The following ACOXL variants were observed in gnomAD, a reference collection of about 807,000 sequenced individuals.
ACOXL encodes acyl-coenzyme A oxidase-like protein.
ACOXL carries 70 observed loss-of-function variants against 71.9 expected under a neutral mutation model. The observed-to-expected ratio is 0.97, with a 90% confidence interval of 0.80 to 1.19. ACOXL has a LOEUF of 1.19. Ranked by LOEUF, ACOXL falls within the 50% of genes most tolerant of loss-of-function variation. ACOXL has a pLI of 0.00. For missense variants in ACOXL, 703 were observed against 736.3 expected, an observed-to-expected ratio of 0.95 and a Z score of 0.52; for synonymous variants, 253 against 281.6, an observed-to-expected ratio of 0.90 and a Z score of 1.02.
intron 16 of ACOXL, among the ~76,000 whole-genome samples, chr2:111,058,919 C>G (rs2066671307): frequency 6.6e-6 from 1 of 152,168 alleles, no homozygotes; most frequent in African/African-American, 2.4e-5. Context: ...GAAAATCTTT[C>G]CACCTTTATC....
In ACOXL at chr2:110,793,120, A is replaced by G. The variant is rs140156829; in HGVS notation, c.160-530A>G. Reference sequence around the variant, plus strand: ...ATGAGGAAGCTGAGGCTACAATGTCATTTGTCCAAGATCCTGCAGCCGGTG... The same window carrying G: ...ATGAGGAAGCTGAGGCTACAATGTCGTTTGTCCAAGATCCTGCAGCCGGTG... On this transcript the variant is annotated intron_variant, in intron 3 of 17. Coordinates refer to ENST00000439055, the MANE Select transcript of ACOXL (RefSeq NM_001142807.4). Among the ~76,000 whole-genome samples the G allele has an allele frequency of 2.3e-3, 356 of 152,252 alleles. 2 individuals are homozygous for G. The highest frequency in any genetic ancestry group is 8.3e-3 in the African/African-American group (346 of 41,544).
At chr2:110,890,233 A>G (rs1046597072) in intron 10 of ACOXL, among the ~76,000 whole-genome samples, 4 of 152,136 alleles carry the variant, frequency 2.6e-5, no homozygotes, top group Non-Finnish European at 4.4e-5. Context: ...TGATTTGCAA[A>G]TATCTTCTCC....
intron 10 of ACOXL, among the ~76,000 whole-genome samples, chr2:110,851,700 T>C (rs767195665): frequency 1.9e-4 from 29 of 152,210 alleles, no homozygotes; most frequent in Non-Finnish European, 3.2e-4. Context: ...TCTGTGGTCC[T>C]GAGAGCCCTC....
At chr2:110,790,875 T>A (rs891458590) in intron 3 of ACOXL, among the ~76,000 whole-genome samples, 6 of 152,228 alleles carry the variant, frequency 3.9e-5, no homozygotes, top group Admixed American at 3.9e-4. Flanking sequence ...CTCCATCTTC[T>A]TGGAAACTCA....
chr2:111,096,259 C>T (rs1159744279), intron 17 of ACOXL, among the ~76,000 whole-genome samples: 1 of 129,368 alleles, frequency 7.7e-6, no homozygotes, highest in African/African-American at 2.9e-5. Flanking sequence ...ATTATTGAGA[C>T]AGAGTCTTGC....
intron 16 of ACOXL, among the ~76,000 whole-genome samples, chr2:111,060,772 C>T (rs2066776580): frequency 1.3e-5 from 2 of 152,038 alleles, no homozygotes; most frequent in Admixed American, 1.3e-4. Context: ...ATACTTGAAA[C>T]AAGTGAAACA....
chr2:111,023,183 G>A (rs1358082291), intron 14 of ACOXL, among the ~76,000 whole-genome samples: 1 of 152,160 alleles, frequency 6.6e-6, no homozygotes, highest in African/African-American at 2.4e-5. Context: ...GATCAGGACT[G>A]GACTCTTTCC....
chr2:110,917,977 AC>A (rs1209388244), intron 11 of ACOXL, among the ~76,000 whole-genome samples: 4 of 152,214 alleles, frequency 2.6e-5, no homozygotes, highest in Non-Finnish European at 5.9e-5. Context: ...AAATGGTCAT[AC>A]TGCCCAAAGT....
chr2:111,042,427 G>A (rs1324486084), intron 15 of ACOXL, among the ~76,000 whole-genome samples: 3 of 152,230 alleles, frequency 2.0e-5, no homozygotes, highest in African/African-American at 7.2e-5. Context: ...AGGCTCCCAC[G>A]TGGTGTCACA....
intron 2 of ACOXL, among the ~76,000 whole-genome samples, chr2:110,781,676 GAAAA>G (rs1448953373): frequency 6.6e-6 from 1 of 151,314 alleles, no homozygotes. Context: ...TATAAAAAAA[GAAAA>G]AAAAGAAGTG....
intron 14 of ACOXL, among the ~76,000 whole-genome samples, chr2:110,996,910 TG>T (rs1325877280): frequency 1.3e-5 from 2 of 152,172 alleles, no homozygotes; most frequent in Non-Finnish European, 2.9e-5. Flanking sequence ...AAAGCCACAC[TG>T]GATGAGAACC....
At chr2:110,950,911 G>A (rs1464302876) in intron 12 of ACOXL, among the ~76,000 whole-genome samples, 2 of 151,450 alleles carry the variant, frequency 1.3e-5, no homozygotes, top group Non-Finnish European at 2.9e-5. Context: ...TGTGCTAGAG[G>A]GTCTCTCTCT....
chr2:110,986,790 G>A (rs1311188874), intron 12 of ACOXL, among the ~76,000 whole-genome samples: 3 of 152,260 alleles, frequency 2.0e-5, no homozygotes, highest in African/African-American at 7.2e-5. Flanking sequence ...TCTGGTCCAC[G>A]GAAGGCAAGC....
At chr2:110,886,695 A>C in intron 10 of ACOXL, 2 of 1,520,748 alleles carry the variant, frequency 1.3e-6, no homozygotes, top group South Asian at 1.2e-5. Context: ...TATCCTTCTG[A>C]ATGCCAAGTT....
rs556758586 is a variant in ACOXL, at chr2:110,976,880, T to A, written c.1060-10228T>A. ...CCACTCAAGAAAAGCATGCTCCAACTACGAGCAAACTAAAGCATGACATGA... is the reference window on the plus strand; with the variant it reads ...CCACTCAAGAAAAGCATGCTCCAACAACGAGCAAACTAAAGCATGACATGA... On this transcript the variant is annotated intron_variant, in intron 12 of 17. Coordinates refer to ENST00000439055, the MANE Select transcript of ACOXL (RefSeq NM_001142807.4). Among the ~76,000 whole-genome samples, 138 of 152,244 alleles carry A rather than the reference T, an allele frequency of 9.1e-4. 2 individuals are homozygous for A. Among genetic ancestry groups the A allele is most frequent in the Non-Finnish European group, 3.5e-4 (24 of 68,004 alleles).
rs112141300 is a variant in ACOXL at position 110,753,863 on chromosome 2, G to T, written c.-22-14505G>T. 4.0e-4 allele frequency among the ~76,000 whole-genome samples: 61 copies of T among 152,142 alleles called. 1 individual carries two copies. The highest frequency in any genetic ancestry group is 1.4e-3 in the African/African-American group (57 of 41,498). On this transcript the variant is annotated intron_variant, in intron 1 of 17. Transcript: ENST00000439055. Reference sequence around the variant, plus strand: ...AGTATGACAGTTATAATTGCTCCACGTCTTTGTCAAAATTTTGTGTTGTCA... The same window carrying T: ...AGTATGACAGTTATAATTGCTCCACTTCTTTGTCAAAATTTTGTGTTGTCA...
At chr2:110,746,307 T>G (rs911501062) in intron 1 of ACOXL, among the ~76,000 whole-genome samples, 10 of 152,122 alleles carry the variant, frequency 6.6e-5, no homozygotes, top group African/African-American at 2.4e-4. Context: ...CAGAAATCAC[T>G]GAGACCCCCA....
chr2:110,951,145 C>T (rs1000641545), intron 12 of ACOXL, among the ~76,000 whole-genome samples: 3 of 152,272 alleles, frequency 2.0e-5, no homozygotes, highest in East Asian at 1.9e-4. Flanking sequence ...AACGTGCCAG[C>T]GGACGTCCCA....
chr2:111,025,415 T>C (rs1333528516), intron 14 of ACOXL, among the ~76,000 whole-genome samples: 1 of 152,232 alleles, frequency 6.6e-6, no homozygotes, highest in Admixed American at 6.5e-5. Flanking sequence ...CAGCTGTTTC[T>C]AAAGTGGCTG....
Sources: gnomAD v4.1 joint callset for allele counts (sites outside exome capture counted in the v4.1 genomes callset) on GRCh38, gnomAD v4.1.1 for gene constraint, MANE v1.5 for transcripts, NCBI Gene and HGNC (gene_info 2026-07-23, HGNC 2026-07-21) for gene names.